TGM2: variants seen among roughly 807,000 people sequenced by gnomAD.
TGM2 encodes the protein transglutaminase 2.
Under a neutral mutation model 75.6 loss-of-function variants are expected in TGM2, and 53 were observed. The observed-to-expected ratio is 0.70, with a 90% CI of 0.56 to 0.88. TGM2 has a LOEUF of 0.88. Among genes scored for constraint, TGM2 ranks in the 40% least tolerant of loss-of-function variants. The probability of loss-of-function intolerance (pLI) is 0.00; values close to 1 mark genes in which losing one functional copy is unlikely to be tolerated. For missense variants in TGM2, 842 were observed against 928.5 expected (o/e 0.91, Z 1.21); for synonymous variants, 374 against 381.1 (o/e 0.98, Z 0.22).
intron 6 of TGM2, 121 bp from the exon 7 acceptor site, chr20:38,142,320 G>GAGCC (rs1326747110): frequency 1.3e-6 from 2 of 1,485,186 alleles, no homozygotes; most frequent in Non-Finnish European, 1.8e-6. Context: ...CTGAGAACAT[G>GAGCC]AGCCAGCCCT....
In TGM2 at chr20:38,131,248, C is replaced by A; in HGVS notation, c.1777-19G>T. Reference sequence around the variant, plus strand: ...CAAGGATCTGGAAGAGGGCATGGGGCAGATGTCAAGGGCAGGTGGGATCCA... The same window carrying A: ...CAAGGATCTGGAAGAGGGCATGGGGAAGATGTCAAGGGCAGGTGGGATCCA... On this transcript the variant is annotated intron_variant, in intron 11 of 12. Transcript: ENST00000361475. The A allele has an allele frequency of 6.2e-7, 1 of 1,613,350 alleles. No homozygotes were observed. Among genetic ancestry groups the A allele is most frequent in the East Asian group, 2.2e-5 (1 of 44,878 alleles).
rs774903294 is a variant in TGM2 at position 38,139,671 on chromosome 20, G to T, written c.1100-17C>A. On this transcript the variant is annotated splice_polypyrimidine_tract_variant and intron_variant, in intron 8 of 12. Transcript: ENST00000361475. ...AGTACGTCCCTGGCAGAGGTAGAAA[G>T]GGGAAGGGATGGGCCTGGGTGAAGG... 1.1e-5 allele frequency: 18 copies of T among 1,614,016 alleles called. No homozygotes were observed. Among genetic ancestry groups the T allele is most frequent in the Non-Finnish European group, 1.4e-5 (17 of 1,179,996 alleles).
At position 38,129,929 on chromosome 20, in the gene TGM2, GGA is replaced by G; in HGVS notation, c.*288_*289del. 6.1e-6 allele frequency: 3 copies of G among 488,532 alleles called. No individual in the cohort carries two copies. Among genetic ancestry groups the G allele is most frequent in the Non-Finnish European group, 1.1e-5 (3 of 268,592 alleles). 30.3% of individuals were successfully genotyped at this position (488,532 alleles called of 1,614,324 possible). A position where few individuals can be genotyped will look rare whatever the true frequency, so the allele number is the denominator to read the frequency against. On this transcript the variant is annotated 3_prime_UTR_variant, in exon 13 of 13. Coordinates refer to ENST00000361475, the MANE Select transcript of TGM2 (RefSeq NM_004613.4). Reference sequence around the variant, plus strand: ...TGGCTTTCCAAAGGGCATCTGGGCAGGAGAGGGAATGTAGGTCTTTCCTCTCT... The same window carrying G: ...TGGCTTTCCAAAGGGCATCTGGGCAGGAGGGAATGTAGGTCTTTCCTCTCT...
In TGM2 at chr20:38,132,324, C is replaced by A; in HGVS notation, c.1776+16G>T. On this transcript the variant is annotated intron_variant, in intron 11 of 12. Transcript: ENST00000361475. ...AGCTGCCCTGGGACCCTGCCCCTTG[C>A]CCAGCCTGCCCTTACCCGGATCTTG... The A allele has an allele frequency of 6.2e-7, 1 of 1,614,006 alleles. No homozygotes were observed. The highest frequency in any genetic ancestry group is 8.5e-7 in the Non-Finnish European group (1 of 1,179,976).
intron 6 of TGM2, among the ~76,000 whole-genome samples, chr20:38,143,610 A>T (rs1224037968): frequency 6.8e-6 from 1 of 147,014 alleles, no homozygotes; most frequent in Admixed American, 6.7e-5. Context: ...TGTGGATCTC[A>T]CCCACACGGC....
intron 3 of TGM2, among the ~76,000 whole-genome samples, chr20:38,153,176 G>C (rs1210835158): frequency 1.3e-5 from 2 of 152,150 alleles, no homozygotes; most frequent in Non-Finnish European, 2.9e-5. Flanking sequence ...TCCATCAGTG[G>C]GGGCTGGACC....
chr20:38,157,092 G>A (rs1053771096), intron 2 of TGM2, among the ~76,000 whole-genome samples: 2 of 152,194 alleles, frequency 1.3e-5, no homozygotes, highest in African/African-American at 4.8e-5. Context: ...GACAGAGGAC[G>A]TTCTCTGCCT....
At chr20:38,150,846 C>T (rs1021784734) in intron 4 of TGM2, 93 bp downstream of exon 4, 2 of 956,690 alleles carry the variant, frequency 2.1e-6, no homozygotes, top group Non-Finnish European at 3.4e-6. Flanking sequence ...CTGTGACTCA[C>T]TCCCACCTGT....
intron 11 of TGM2, 113 bp from the exon 12 acceptor site, chr20:38,131,342 C>T: frequency 7.0e-7 from 1 of 1,437,456 alleles, no homozygotes; most frequent in Non-Finnish European, 9.5e-7. Flanking sequence ...CCAGGTCTGC[C>T]ACGATCACCC....
chr20:38,143,344 G>A (rs888829378), intron 6 of TGM2, among the ~76,000 whole-genome samples: 1 of 152,210 alleles, frequency 6.6e-6, no homozygotes, highest in Non-Finnish European at 1.5e-5. Context: ...CATTAGTGAT[G>A]CCACTGAGGA....
In TGM2 at chr20:38,165,211, G is replaced by T; in HGVS notation, c.-13C>A. 6.2e-7 allele frequency: 1 copy of T among 1,613,312 alleles called. No homozygotes were observed. The highest frequency in any genetic ancestry group is 8.5e-7 in the Non-Finnish European group (1 of 1,179,936). ...CACCCTCGGCCATGGTCGGGCGGGG[G>T]CGGTGGCTCCTTCCACTGGCGGCGA... On this transcript the variant is annotated 5_prime_UTR_variant, in exon 1 of 13. Coordinates refer to ENST00000361475, the MANE Select transcript of TGM2 (RefSeq NM_004613.4).
At chr20:38,168,207 A>C (rs2075324821), upstream of TGM2, among the ~76,000 whole-genome samples, 1 of 152,226 alleles carries the variant, frequency 6.6e-6, no homozygotes, top group South Asian at 2.1e-4. Context: ...GGATGTGGCC[A>C]GCCGGGGTCA....
upstream of TGM2, among the ~76,000 whole-genome samples, chr20:38,167,175 G>A (rs1455396941): frequency 6.6e-6 from 1 of 152,158 alleles, no homozygotes; most frequent in African/African-American, 2.4e-5. Context: ...GGGACCTCAA[G>A]GAGAGACGGG....
Position 38,155,930 on chromosome 20 carries a change from A to T in TGM2, c.350T>A (p.Leu117His). The T allele has an allele frequency of 6.2e-7, 1 of 1,611,354 alleles. No individual in the cohort carries two copies. The highest frequency in any genetic ancestry group is 8.5e-7 in the Non-Finnish European group (1 of 1,179,064). ...PANAPIGLYR[L>H]SLEASTGYQG... ...GTAGCCAGTGGAGGCCTCCAGGCTG[A>T]GGCGATACAGGCCGATGGGGGCGTT... The change falls in exon 3 of 13, where the codon CTC becomes CAC. Residue 117 changes from leucine to histidine, a missense_variant. Leu to His is a moderately conservative substitution (Grantham distance 99). Transcript: ENST00000361475.
chr20:38,165,906 C>T (rs1264352783), upstream of TGM2, among the ~76,000 whole-genome samples: 1 of 152,104 alleles, frequency 6.6e-6, no homozygotes, highest in Non-Finnish European at 1.5e-5. Flanking sequence ...CAGCCTGACA[C>T]AGCCAGGTAG....
intron 10 of TGM2, chr20:38,133,417 T>C (rs541679105): frequency 6.4e-6 from 1 of 156,950 alleles, no homozygotes; most frequent in East Asian, 1.9e-4. Flanking sequence ...CAAGGGTCGT[T>C]GCAGAGCAAA....
intron 1 of TGM2, among the ~76,000 whole-genome samples, chr20:38,164,917 A>G (rs1159772155): frequency 2.0e-5 from 3 of 152,230 alleles, no homozygotes; most frequent in East Asian, 1.9e-4. Context: ...CTGACTGAGG[A>G]CACGTGCCAG....
At chr20:38,138,003 C>T (rs144833869) in intron 10 of TGM2, 110 bp downstream of exon 10, 9 of 1,482,496 alleles carry the variant, frequency 6.1e-6, no homozygotes, top group African/African-American at 1.4e-5. Flanking sequence ...CCAGAGTCAG[C>T]GCCATGTAAG....
chr20:38,134,209 C>T (rs1025114748), intron 10 of TGM2, among the ~76,000 whole-genome samples: 2 of 152,168 alleles, frequency 1.3e-5, no homozygotes, highest in Admixed American at 6.5e-5. Context: ...TGGTGGTCTG[C>T]GTCCTCCTCT....
Sources: gnomAD v4.1 joint callset for allele counts (sites outside exome capture counted in the v4.1 genomes callset) on GRCh38, gnomAD v4.1.1 for gene constraint, MANE v1.5 for transcripts, NCBI Gene and HGNC (gene_info 2026-07-23, HGNC 2026-07-21) for gene names.